The following UMOD variants were observed in gnomAD, a reference collection of about 807,000 sequenced individuals.
UMOD encodes Tamm-Horsfall urinary glycoprotein.
UMOD carries 64 observed loss-of-function variants against 66.0 expected under a neutral mutation model. The observed-to-expected ratio is 0.97, with a 90% CI of 0.79 to 1.19. The LOEUF (loss-of-function observed/expected upper bound fraction) is 1.19. Among genes scored for constraint, UMOD ranks in the 50% most tolerant of loss-of-function variants. The pLI is 0.00. For synonymous variants in UMOD, 398 were observed against 352.7 expected (o/e 1.13, Z -1.44); for missense variants, 764 against 850.9 (o/e 0.90, Z 1.27).
At chr16:20,349,368 C>T (rs1043681035) in intron 2 of UMOD, among the ~76,000 whole-genome samples, 156 bp from the exon 3 acceptor site, 3 of 152,224 alleles carry the variant, frequency 2.0e-5, no homozygotes, top group African/African-American at 2.4e-5. Flanking sequence ...AACAAAACTC[C>T]TCTGATGATG....
chr16:20,352,457 A>G (rs950467503), intron 1 of UMOD: 3 of 383,960 alleles, frequency 7.8e-6, no homozygotes, highest in African/African-American at 6.2e-5. Flanking sequence ...TAATAGGTGC[A>G]TAACTAATAT....
chr16:20,345,428 C>CTCTT (rs1227169160), intron 5 of UMOD, among the ~76,000 whole-genome samples: 1 of 65,884 alleles, frequency 1.5e-5, no homozygotes, highest in African/African-American at 5.2e-5. Flanking sequence ...TTCTTTCTTT[C>CTCTT]TCTTTCTTTC....
intron 5 of UMOD, among the ~76,000 whole-genome samples, chr16:20,345,502 C>CCCTCCCTCCCTCCTTTCCTT (rs1338369108): frequency 1.9e-5 from 1 of 53,002 alleles, no homozygotes; most frequent in African/African-American, 8.2e-5. Flanking sequence ...CTCCCTCCCT[C>CCCTCCCTCCCTCCTTTCCTT]CCTTCCTTCC....
At chr16:20,339,918 A>G (rs1439242312) in intron 7 of UMOD, among the ~76,000 whole-genome samples, 3 of 152,188 alleles carry the variant, frequency 2.0e-5, no homozygotes, top group African/African-American at 4.8e-5. Flanking sequence ...GGTAAGGTTC[A>G]TAGTCATCTA....
In UMOD at chr16:20,348,952, G is replaced by A. The variant is rs765487154; in HGVS notation, c.349C>T (p.Leu117Phe). The A allele has an allele frequency of 1.3e-6, 2 of 1,573,872 alleles. No individual in the cohort carries two copies. The highest frequency in any genetic ancestry group is 1.3e-5 in the African/African-American group (1 of 74,218). Residue 117 changes from leucine (L) to phenylalanine (F), a missense_variant, in exon 3 of 11, where the codon CTT becomes TTT. Coordinates refer to ENST00000396138, the MANE Select transcript of UMOD (RefSeq NM_003361.4). ...TDVDECAEPG[L>F]SHCHALATCV... ...GTGGCCAGGGCGTGGCAGTGGCTAA[G>A]CCCAGGCTCAGCGCACTCATCCACG...
chr16:20,343,996 G>A lies in UMOD; in HGVS notation c.1331+28C>T, dbSNP rs544902085. On this transcript the variant is annotated intron_variant, in intron 6 of 10. Coordinates refer to ENST00000396138, the MANE Select transcript of UMOD (RefSeq NM_003361.4). Reference sequence around the variant, plus strand: ...GGGGTTTGGGGTTAGAACCATCTAGGGGCCCTAGGGACCCTCTCTGGCCAC... The same window carrying A: ...GGGGTTTGGGGTTAGAACCATCTAGAGGCCCTAGGGACCCTCTCTGGCCAC... 9 of 1,612,588 alleles carry A rather than the reference G, an allele frequency of 5.6e-6. No homozygotes were observed. In the East Asian group the frequency reaches 2.0e-4, roughly 36 times the overall value.
rs1460837344 is a variant in UMOD, at chr16:20,348,737, C to G, written c.564G>C (p.Glu188Asp). 1 of 1,545,384 alleles carries G rather than the reference C, an allele frequency of 6.5e-7. No homozygotes were observed. Among genetic ancestry groups the G allele is most frequent in the East Asian group, 2.4e-5 (1 of 41,080 alleles). ...TGTCGCAGGCGTAGCCCTCCCCGTA[C>G]TCGGTGCTGCGCCAGTACTCGTCCA... ...RTLDEYWRST[E>D]YGEGYACDTD... The change falls in exon 3 of 11, where the codon GAG becomes GAC. Residue 188 changes from glutamate (E) to aspartate (D), a missense_variant. Physicochemically the swap from Glu to Asp is conservative, Grantham distance 45. Transcript: ENST00000396138.
At position 20,333,356 on chromosome 16, in the gene UMOD, C is replaced by G; in HGVS notation, c.1881G>C (p.Leu627=). 6.2e-7 allele frequency: 1 copy of G among 1,613,158 alleles called. No homozygotes were observed. The highest frequency in any genetic ancestry group is 1.7e-4 in the Middle Eastern group (1 of 5,922). ...FSSLGLLKVW[L]PLLLSATLTL... The stretch of plus-strand genomic sequence containing the variant: ...TCAAGGTGGCCGAGAGAAGCAGAGG[C>G]AGCCAGACTTTCAGGAGCCCTGAAA... The change falls in exon 11 of 11, where the codon CTG becomes CTC. Residue 627 remains leucine (L), a synonymous_variant. Coordinates refer to ENST00000396138, the MANE Select transcript of UMOD (RefSeq NM_003361.4).
upstream of UMOD, among the ~76,000 whole-genome samples, chr16:20,355,158 C>G (rs1192263344): frequency 2.0e-5 from 3 of 152,148 alleles, no homozygotes; most frequent in Non-Finnish European, 2.9e-5. Flanking sequence ...TCCCTTCAGC[C>G]CCTCTGCCCA....
Position 20,350,701 on chromosome 16 carries a change from C to A in UMOD, c.37G>T (p.Val13Leu), listed in dbSNP as rs762556085. Residue 13 changes from valine (V) to leucine (L), a missense_variant, in exon 2 of 11, where the codon GTG becomes TTG. Transcript: ENST00000396138. ...QPSLTWMLMV[V>L]VASWFITTAA... Reference sequence around the variant, plus strand: ...GTTGTGATGAACCAAGAGGCCACCACCACCATCAGCATCCAAGTCAGAGAT... The same window carrying A: ...GTTGTGATGAACCAAGAGGCCACCAACACCATCAGCATCCAAGTCAGAGAT... 2.5e-6 allele frequency: 4 copies of A among 1,614,192 alleles called. No homozygotes were observed. The East Asian group carries it at 6.7e-5, about 27-fold the overall frequency.
rs768664257 is a variant in UMOD at position 20,346,217 on chromosome 16, C to G, written c.1091G>C (p.Ser364Thr). ...FDKVFMYLSD[S>T]RCSGFNDRDN... ...TCTGTCATTGAAGCCCGAGCACCGGCTGTCACTCAGGTACATGAAGACCTT... is the reference window on the plus strand; with the variant it reads ...TCTGTCATTGAAGCCCGAGCACCGGGTGTCACTCAGGTACATGAAGACCTT... Residue 364 changes from serine (S) to threonine (T), a missense_variant, in exon 5 of 11, where the codon AGC becomes ACC. Coordinates refer to ENST00000396138, the MANE Select transcript of UMOD (RefSeq NM_003361.4). The G allele has an allele frequency of 6.2e-7, 1 of 1,614,286 alleles. No homozygotes were observed. Among genetic ancestry groups the G allele is most frequent in the Non-Finnish European group, 8.5e-7 (1 of 1,180,058 alleles).
chr16:20,353,142 G>A (rs905533563), upstream of UMOD, among the ~76,000 whole-genome samples: 2 of 152,142 alleles, frequency 1.3e-5, no homozygotes, highest in Non-Finnish European at 2.9e-5. Context: ...CCAGATGGGA[G>A]GTGCACCTGT....
At chr16:20,349,755 A>T (rs1377041546) in intron 2 of UMOD, 1 of 1,534,764 alleles carries the variant, frequency 6.5e-7, no homozygotes, top group African/African-American at 1.4e-5. Flanking sequence ...TTCTTTGCAC[A>T]TTTTATGTTT....
At chr16:20,353,812 T>A (rs1453493680), upstream of UMOD, among the ~76,000 whole-genome samples, 1 of 152,190 alleles carries the variant, frequency 6.6e-6, no homozygotes, top group Admixed American at 6.5e-5. Context: ...AACGTGCAGG[T>A]TTGTTACATA....
intron 10 of UMOD, 41 bp downstream of exon 10, chr16:20,335,441 G>A (rs372845854): frequency 6.2e-7 from 1 of 1,606,490 alleles, no homozygotes. Flanking sequence ...CCCCAGGAGA[G>A]TTCTGGAACA....
rs200895986 is a variant in UMOD, at chr16:20,341,168, T to C, written c.1500A>G (p.Ala500=). ...MLDGGDLSRF[A]LLMTNCYATP... is the part of the protein sequence containing the mutation. ...TGGCATAGCAGTTGGTCATGAGCAG[T>C]GCAAATCGGGACAGGTCGCCCCCAT... is the stretch of plus-strand genomic sequence containing the variant. Residue 500 remains alanine (A), a synonymous_variant, in exon 7 of 11, where the codon GCA becomes GCG. Transcript: ENST00000396138. The C allele has an allele frequency of 2.3e-4, 364 of 1,613,954 alleles. 2 individuals carry two copies. In the East Asian group the frequency reaches 4.1e-3, roughly 18 times the overall value.
upstream of UMOD, among the ~76,000 whole-genome samples, chr16:20,355,348 C>A (rs1354240479): frequency 1.3e-5 from 2 of 151,954 alleles, no homozygotes; most frequent in Non-Finnish European, 2.9e-5. Context: ...TTTGAACGAA[C>A]CTTAATCTCT....
At position 20,348,847 on chromosome 16, in the gene UMOD, G is replaced by A; in HGVS notation, c.454C>T (p.Pro152Ser). 6.5e-7 allele frequency: 1 copy of A among 1,547,896 alleles called. No individual in the cohort carries two copies. The highest frequency in any genetic ancestry group is 8.7e-7 in the Non-Finnish European group (1 of 1,147,062). Reference sequence around the variant, plus strand: ...TCCAACCCCGGCCCGCAGGAGCCCGGGGAGCACTCACAGTGCCATCCATCC... The same window carrying A: ...TCCAACCCCGGCCCGCAGGAGCCCGAGGAGCACTCACAGTGCCATCCATCC... ...RGDGWHCECS[P>S]GSCGPGLDCV... Residue 152 changes from proline (P) to serine (S), a missense_variant, in exon 3 of 11, where the codon CCG becomes TCG. Coordinates refer to ENST00000396138, the MANE Select transcript of UMOD (RefSeq NM_003361.4).
At chr16:20,351,199 C>G (rs1442715209) in intron 1 of UMOD, 1 of 249,984 alleles carries the variant, frequency 4.0e-6, no homozygotes, top group Non-Finnish European at 7.9e-6. Context: ...GCCTGGATCA[C>G]TTATTCATTC....
Sources: gnomAD v4.1 joint callset for allele counts (sites outside exome capture counted in the v4.1 genomes callset) on GRCh38, gnomAD v4.1.1 for gene constraint, MANE v1.5 for transcripts, NCBI Gene and HGNC (gene_info 2026-07-23, HGNC 2026-07-21) for gene names.